Variants in ATAD2 observed in about 807,000 individuals in gnomAD.
ATAD2 encodes the protein ATPase family AAA domain-containing protein 2.
ATAD2 carries 62 observed loss-of-function variants against 168.9 expected under a neutral mutation model. That is an observed-to-expected ratio of 0.37 (90% CI 0.30 to 0.45). ATAD2 has a LOEUF of 0.45. ATAD2 is among the 20% of genes least tolerant of loss of function. The pLI, the probability that ATAD2 is intolerant of heterozygous loss-of-function variation, is 1.00. For missense variants in ATAD2, 1,419 were observed against 1,667.8 expected, an observed-to-expected ratio of 0.85 and a Z score of 2.60; for synonymous variants, 613 against 571.6, an observed-to-expected ratio of 1.07 and a Z score of -1.03.
At position 123,325,910 on chromosome 8, in the gene ATAD2, C is replaced by T; in HGVS notation, c.3985G>A (p.Asp1329Asn). 1.2e-6 allele frequency: 2 copies of T among 1,614,040 alleles called. No homozygotes were observed. The highest frequency in any genetic ancestry group is 1.7e-6 in the Non-Finnish European group (2 of 1,179,984). ...TTACATACTTTTAATCGCTCATGAT[C>T]CACAACAAGTGAGGGTGTAGGCTGA... is the stretch of plus-strand genomic sequence containing the variant. ...LSQPTPSLVV[D>N]HERLKNLLKT... Residue 1329 changes from aspartate (D) to asparagine (N), a missense_variant, in exon 26 of 28, where the codon GAT becomes AAT. Coordinates refer to ENST00000287394, the MANE Select transcript of ATAD2 (RefSeq NM_014109.4).
intron 1 of ATAD2, among the ~76,000 whole-genome samples, chr8:123,395,719 G>A (rs1812790910): frequency 6.6e-6 from 1 of 152,124 alleles, no homozygotes; most frequent in Admixed American, 6.5e-5. Context: ...ATCGTTAATG[G>A]AGGTCAGAGA....
upstream of ATAD2, among the ~76,000 whole-genome samples, chr8:123,397,574 C>A (rs890835332): frequency 7.9e-5 from 12 of 152,132 alleles, no homozygotes; most frequent in African/African-American, 2.9e-4. Flanking sequence ...GCGAAATAAA[C>A]GAAAGCTATT....
At chr8:123,322,841 C>T in intron 27 of ATAD2, 97 bp downstream of exon 27, 1 of 1,317,110 alleles carries the variant, frequency 7.6e-7, no homozygotes, top group Non-Finnish European at 1.0e-6. Context: ...CAATCAGTTT[C>T]TTACACAGAT....
At position 123,371,624 on chromosome 8, in the gene ATAD2, A is replaced by T. The variant is rs79319751; in HGVS notation, c.536+46T>A. On this transcript the variant is annotated intron_variant, in intron 4 of 27. Transcript: ENST00000287394. ...AATCCATGATTCCTCCCCAACAAAA[A>T]GTCTCTGACAGATAAATCATCTTGA... is the stretch of plus-strand genomic sequence containing the variant. 8,104 of 1,514,968 alleles carry T rather than the reference A, an allele frequency of 5.3e-3. 349 individuals carry two copies. The African/African-American group carries it at 0.098, about 18-fold the overall frequency. 93.8% of individuals were successfully genotyped at this position (1,514,968 alleles called of 1,614,324 possible).
At position 123,346,072 on chromosome 8, in the gene ATAD2, C is replaced by CA. The variant is rs761221837; in HGVS notation, c.2532+13dup. 6.7e-7 allele frequency: 1 copy of CA among 1,487,516 alleles called. No individual in the cohort carries two copies. The highest frequency in any genetic ancestry group is 1.4e-5 in the South Asian group (1 of 70,720). 92.1% of individuals were successfully genotyped at this position (1,487,516 alleles called of 1,614,324 possible). ...AAGCCTGTTTTGTCTTATACTTGGG[C>CA]ACCAACAAATTACCTGGGCACATGT... On this transcript the variant is annotated intron_variant, in intron 18 of 27. Transcript: ENST00000287394.
At chr8:123,346,946 G>A in intron 16 of ATAD2, 146 bp downstream of exon 16, 2 of 1,100,908 alleles carry the variant, frequency 1.8e-6, no homozygotes, top group Non-Finnish European at 2.5e-6. Context: ...AATCCATGGA[G>A]TAAATTTCCT....
intron 13 of ATAD2, among the ~76,000 whole-genome samples, chr8:123,354,674 C>G (rs1828574527): frequency 6.6e-6 from 1 of 151,120 alleles, no homozygotes; most frequent in South Asian, 2.1e-4. Context: ...CCCATCTCTA[C>G]TAAAATACAA....
In ATAD2 at chr8:123,380,562, G is replaced by A. The variant is rs757617748; in HGVS notation, c.287C>T (p.Thr96Met). The A allele has an allele frequency of 1.2e-5, 20 of 1,613,754 alleles. No homozygotes were observed. The highest frequency in any genetic ancestry group is 1.1e-4 in the African/African-American group (8 of 74,892). Residue 96 changes from threonine to methionine, a missense_variant, in exon 2 of 28, where the codon ACG (threonine) becomes ATG (methionine). Coordinates refer to ENST00000287394, the MANE Select transcript of ATAD2 (RefSeq NM_014109.4). Reference sequence around the variant, plus strand: ...ATGCCTGCCATTAGCAAGTTGCTCCGTTATTTCCACATTCTTCTCAAAACT... The same window carrying A: ...ATGCCTGCCATTAGCAAGTTGCTCCATTATTTCCACATTCTTCTCAAAACT... ...DSSFEKNVEI[T>M]EQLANGRHFT...
intron 1 of ATAD2, among the ~76,000 whole-genome samples, chr8:123,392,920 C>G (rs1460003470): frequency 6.6e-6 from 1 of 152,182 alleles, no homozygotes; most frequent in Non-Finnish European, 1.5e-5. Context: ...CGCGGTGGCT[C>G]ACGCCTCTAA....
chr8:123,391,945 T>C (rs1416161471), intron 1 of ATAD2, among the ~76,000 whole-genome samples: 1 of 152,190 alleles, frequency 6.6e-6, no homozygotes. Flanking sequence ...CTCAAAAAGG[T>C]ATAATGCCTG....
chr8:123,343,926 A>C (rs930371072), intron 19 of ATAD2, among the ~76,000 whole-genome samples: 3 of 152,230 alleles, frequency 2.0e-5, no homozygotes, highest in African/African-American at 7.2e-5. Context: ...GTAAGAGAAG[A>C]GTATTCCAGG....
intron 19 of ATAD2, among the ~76,000 whole-genome samples, chr8:123,344,093 C>T (rs565165820): frequency 5.3e-5 from 8 of 152,226 alleles, no homozygotes; most frequent in African/African-American, 1.9e-4. Flanking sequence ...GAAAAATCCA[C>T]ATACCAGTGC....
intron 24 of ATAD2, among the ~76,000 whole-genome samples, chr8:123,331,151 C>T (rs920545430): frequency 4.6e-5 from 7 of 151,444 alleles, no homozygotes; most frequent in Non-Finnish European, 7.4e-5. Context: ...ATGTTGGCCA[C>T]GCTGGTCTTG....
At chr8:123,371,390 T>C in intron 4 of ATAD2, 52 bp from the exon 5 acceptor site, 2 of 1,416,628 alleles carry the variant, frequency 1.4e-6, no homozygotes, top group Non-Finnish European at 1.9e-6. Flanking sequence ...AGTAGCAGAA[T>C]TTTAAAAACT....
chr8:123,412,560 G>A (rs1813174768), intron 1 of ATAD2, among the ~76,000 whole-genome samples: 1 of 152,016 alleles, frequency 6.6e-6, no homozygotes, highest in Non-Finnish European at 1.5e-5. Context: ...AGCCTCCTGG[G>A]TGCCTAGGAC....
intron 1 of ATAD2, chr8:123,401,543 C>A: frequency 6.5e-7 from 1 of 1,549,944 alleles, no homozygotes; most frequent in Non-Finnish European, 8.8e-7. Context: ...TGTGTGTGGG[C>A]ATAGGCTGCG....
At chr8:123,362,738 G>A (rs999922773) in intron 8 of ATAD2, among the ~76,000 whole-genome samples, 2 of 152,062 alleles carry the variant, frequency 1.3e-5, no homozygotes, top group Non-Finnish European at 2.9e-5. Context: ...AATTTTAAAA[G>A]AAGGACATGA....
chr8:123,333,329 G>C (rs1392931597), intron 24 of ATAD2, among the ~76,000 whole-genome samples: 1 of 137,054 alleles, frequency 7.3e-6, no homozygotes, highest in African/African-American at 2.7e-5. Flanking sequence ...AGAATGGCAT[G>C]AACCCGGGAC....
chr8:123,344,755 G>T, intron 19 of ATAD2, 129 bp downstream of exon 19: 1 of 981,660 alleles, frequency 1.0e-6, no homozygotes, highest in Non-Finnish European at 1.6e-6. Context: ...GTTACCAATG[G>T]TATATTTGAT....
Sources: gnomAD v4.1 joint callset for allele counts (sites outside exome capture counted in the v4.1 genomes callset) on GRCh38, gnomAD v4.1.1 for gene constraint, MANE v1.5 for transcripts, NCBI Gene and HGNC (gene_info 2026-07-23, HGNC 2026-07-21) for gene names.